Variants in RSPH3 observed in about 807,000 individuals in gnomAD.
The protein encoded by RSPH3 is radial spoke head protein 3 homolog.
RSPH3 carries 21 observed loss-of-function variants against 43.8 expected under a neutral mutation model. The observed-to-expected ratio is 0.48, with a 90% CI of 0.34 to 0.69. The LOEUF (loss-of-function observed/expected upper bound fraction) is 0.69, where lower values mean the gene tolerates loss of function less well. Among genes scored for constraint, RSPH3 ranks in the 30% least tolerant of loss-of-function variants. The pLI, the probability that RSPH3 is intolerant of heterozygous loss-of-function variation, is 0.01. For missense variants in RSPH3, 487 were observed against 516.0 expected (o/e 0.94, Z 0.54); for synonymous variants, 173 against 179.8 (o/e 0.96, Z 0.30).
intron 1 of RSPH3, among the ~76,000 whole-genome samples, chr6:158,997,393 T>G (rs1778629478): frequency 6.6e-6 from 1 of 151,072 alleles, no homozygotes; most frequent in Non-Finnish European, 1.5e-5. Context: ...TGCGTCAGCC[T>G]CCCAAGTACC....
chr6:158,978,699 C>T (rs1056052111), intron 6 of RSPH3, among the ~76,000 whole-genome samples: 2 of 152,134 alleles, frequency 1.3e-5, no homozygotes, highest in African/African-American at 4.8e-5. Context: ...CGCCACCACA[C>T]CTGGCTAATT....
the RSPH3 span, among the ~76,000 whole-genome samples, chr6:158,964,345 T>C: frequency 1.3e-5 from 2 of 152,226 alleles, no homozygotes; most frequent in South Asian, 2.1e-4. Flanking sequence ...TGGGATTAGA[T>C]GGATTCTCAA....
intron 5 of RSPH3, 129 bp downstream of exon 5, chr6:158,982,356 A>C (rs1778060611): frequency 3.3e-6 from 2 of 607,476 alleles, no homozygotes; most frequent in African/African-American, 3.7e-5. Context: ...GAGCAAAAAT[A>C]CTATAGATCT....
chr6:158,988,461 A>C (rs1236617259), intron 2 of RSPH3, among the ~76,000 whole-genome samples: 3 of 152,138 alleles, frequency 2.0e-5, no homozygotes, highest in Admixed American at 2.0e-4. Flanking sequence ...GTATTTCTTA[A>C]AACAAGCTTC....
In RSPH3 at chr6:158,999,427, T is replaced by A; in HGVS notation, c.116+8A>T. On this transcript the variant is annotated splice_region_variant and intron_variant, in intron 1 of 7. Transcript: ENST00000367069. ...ATGGACCACACAGGGGCTGGCTTGG[T>A]CACTCACGGCTGCGTCAGGCTGTCC... The A allele has an allele frequency of 6.7e-7, 1 of 1,497,866 alleles. No individual in the cohort carries two copies. Among genetic ancestry groups the A allele is most frequent in the South Asian group, 1.3e-5 (1 of 75,050 alleles). The allele number at this position is 1,497,866 out of a possible 1,614,324, so 92.8% of individuals were successfully genotyped here.
intron 2 of RSPH3, among the ~76,000 whole-genome samples, chr6:158,991,500 GCT>G (rs1305055714): frequency 2.6e-5 from 4 of 152,150 alleles, no homozygotes; most frequent in Non-Finnish European, 1.5e-5. Flanking sequence ...TCCTTTCTAG[GCT>G]CTGTCGACAC....
chr6:158,993,952 C>A (rs982279152), intron 1 of RSPH3, 26 bp from the exon 2 acceptor site: 4 of 1,272,768 alleles, frequency 3.1e-6, no homozygotes, highest in Admixed American at 1.7e-5. Context: ...TTCTGTATAA[C>A]CACTTTAATA....
chr6:158,968,231 GTTTTTTA>G (rs906507368), downstream of RSPH3, among the ~76,000 whole-genome samples: 1 of 151,832 alleles, frequency 6.6e-6, no homozygotes, highest in Non-Finnish European at 1.5e-5. Flanking sequence ...TTCTTTTACT[GTTTTTTA>G]TTTTTTATTT....
intron 2 of RSPH3, 60 bp downstream of exon 2, chr6:158,993,779 C>G (rs77876414): frequency 2.2e-6 from 2 of 891,006 alleles, no homozygotes; most frequent in African/African-American, 3.3e-5. Flanking sequence ...CACCAAGAAA[C>G]TGATCCTTCC....
At chr6:158,999,052 G>T (rs1778743365) in intron 1 of RSPH3, among the ~76,000 whole-genome samples, 1 of 152,220 alleles carries the variant, frequency 6.6e-6, no homozygotes, top group Non-Finnish European at 1.5e-5. Flanking sequence ...TCTGCATAAT[G>T]GAGTTATAAA....
chr6:158,998,462 C>A (rs1398499753), intron 1 of RSPH3, among the ~76,000 whole-genome samples: 2 of 137,292 alleles, frequency 1.5e-5, no homozygotes, highest in African/African-American at 5.3e-5. Context: ...GAGCGAGACT[C>A]CGTCTCAAAA....
At chr6:158,964,725 T>C in the RSPH3 span, among the ~76,000 whole-genome samples, 1 of 152,194 alleles carries the variant, frequency 6.6e-6, no homozygotes, top group East Asian at 1.9e-4. Flanking sequence ...AATTCTTTGT[T>C]AGATATATGC....
the RSPH3 span, among the ~76,000 whole-genome samples, chr6:158,964,055 A>G: frequency 2.0e-5 from 3 of 152,224 alleles, no homozygotes; most frequent in East Asian, 5.8e-4. Context: ...TATGTACCCT[A>G]TTCAAACAAT....
At chr6:158,995,554 T>C (rs1358746414) in intron 1 of RSPH3, among the ~76,000 whole-genome samples, 1 of 152,126 alleles carries the variant, frequency 6.6e-6, no homozygotes, top group African/African-American at 2.4e-5. Flanking sequence ...ACACATCTCC[T>C]TCTATGACTC....
chr6:158,964,044 A>G, the RSPH3 span, among the ~76,000 whole-genome samples: 1 of 152,196 alleles, frequency 6.6e-6, no homozygotes, highest in Non-Finnish European at 1.5e-5. Context: ...AATCATTAAT[A>G]TATGTACCCT....
At position 158,973,126 on chromosome 6, in the gene RSPH3, T is replaced by C. The variant is rs1777724999; in HGVS notation, c.*4412A>G. On this transcript the variant is annotated 3_prime_UTR_variant, in exon 8 of 8. Transcript: ENST00000367069. ...TAATTAGTTAGTGGGGAAGTGAAGC[T>C]CATGTTTAGGCCTTTTCATAATGTC... 1 of 152,236 alleles carries C rather than the reference T, an allele frequency of 6.6e-6. No homozygotes were observed. Among genetic ancestry groups the C allele is most frequent in the Non-Finnish European group, 1.5e-5 (1 of 68,044 alleles). 9.4% of individuals were successfully genotyped at this position (152,236 alleles called of 1,614,324 possible).
intron 6 of RSPH3, among the ~76,000 whole-genome samples, chr6:158,979,939 C>T (rs528516397): frequency 1.3e-5 from 2 of 152,292 alleles, no homozygotes; most frequent in East Asian, 3.9e-4. Context: ...GATCAGGGAT[C>T]CTTCTTTTTC....
intron 1 of RSPH3, among the ~76,000 whole-genome samples, chr6:158,997,647 T>A (rs12194755): frequency 0.018 from 2,708 of 152,322 alleles, 34 homozygotes; most frequent in Middle Eastern, 0.024. Context: ...AATAGATTAC[T>A]TCAATATACT....
intron 7 of RSPH3, 106 bp from the exon 8 acceptor site, chr6:158,977,954 C>T (rs966587987): frequency 1.1e-6 from 1 of 936,084 alleles, no homozygotes; most frequent in African/African-American, 1.6e-5. Flanking sequence ...CACGAAGCCT[C>T]ATCTCTTTCC....
Sources: allele counts gnomAD v4.1 joint callset (sites outside exome capture counted in the v4.1 genomes callset), GRCh38; gene constraint gnomAD v4.1.1; transcripts MANE v1.5; gene names NCBI Gene and HGNC (gene_info 2026-07-23, HGNC 2026-07-21).